The following BCAS1 variants were observed in gnomAD, a reference collection of about 807,000 sequenced individuals.
The protein encoded by BCAS1 is brain enriched myelin associated protein 1, also known as breast carcinoma-amplified sequence 1.
Under a neutral mutation model 65.4 loss-of-function variants are expected in BCAS1, and 46 were observed. The observed-to-expected ratio is 0.70, with a 90% CI of 0.55 to 0.90. The LOEUF is 0.90. Ranked by LOEUF, BCAS1 falls within the 40% of genes least tolerant of loss-of-function variation. The probability of loss-of-function intolerance (pLI) is 0.00; values close to 1 mark genes in which losing one functional copy is unlikely to be tolerated. For missense variants in BCAS1, 793 were observed against 771.2 expected (o/e 1.03, Z -0.33); for synonymous variants, 298 against 293.5 (o/e 1.02, Z -0.16).
chr20:54,015,047 T>C (rs1465049070), intron 4 of BCAS1, among the ~76,000 whole-genome samples: 1 of 138,082 alleles, frequency 7.2e-6, no homozygotes, highest in East Asian at 2.8e-4. Context: ...AAGCAGACTA[T>C]GATTTTTTTT....
chr20:53,981,881 C>T (rs112166072), intron 8 of BCAS1, among the ~76,000 whole-genome samples: 1 of 151,844 alleles, frequency 6.6e-6, no homozygotes, highest in African/African-American at 2.4e-5. Context: ...TCTTTTGATG[C>T]TAGCAAATGA....
At chr20:54,058,610 T>C in intron 2 of BCAS1, 37 bp downstream of exon 2, 1 of 1,527,834 alleles carries the variant, frequency 6.5e-7, no homozygotes. Context: ...TTTTTTTTTT[T>C]TTTCTGCTGA....
At chr20:54,021,733 G>T (rs1444885016) in intron 4 of BCAS1, among the ~76,000 whole-genome samples, 1 of 152,002 alleles carries the variant, frequency 6.6e-6, no homozygotes, top group Non-Finnish European at 1.5e-5. Context: ...CCTGTCGGGG[G>T]TTGGGGGAGG....
At chr20:53,961,813 C>G (rs1417692059) in intron 10 of BCAS1, among the ~76,000 whole-genome samples, 2 of 152,218 alleles carry the variant, frequency 1.3e-5, no homozygotes, top group African/African-American at 4.8e-5. Flanking sequence ...TTCTGGCTCT[C>G]CCGCTTACCA....
chr20:53,975,006 G>T (rs539309673), intron 9 of BCAS1, among the ~76,000 whole-genome samples: 4 of 152,304 alleles, frequency 2.6e-5, no homozygotes, highest in Admixed American at 2.6e-4. Flanking sequence ...CCCAAAGTTA[G>T]TAAGAAGCTG....
chr20:54,012,262 A>G (rs2091336791), intron 4 of BCAS1, among the ~76,000 whole-genome samples: 1 of 152,156 alleles, frequency 6.6e-6, no homozygotes, highest in Admixed American at 6.5e-5. Flanking sequence ...GGTGAGAGGG[A>G]AGTGGATGCA....
intron 10 of BCAS1, among the ~76,000 whole-genome samples, chr20:53,966,493 A>T (rs1176054217): frequency 6.6e-6 from 1 of 152,144 alleles, no homozygotes; most frequent in Non-Finnish European, 1.5e-5. Context: ...GGTTGGGAGA[A>T]GGGTGAGGGA....
At chr20:53,975,798 C>T (rs1247444225) in intron 8 of BCAS1, among the ~76,000 whole-genome samples, 1 of 152,070 alleles carries the variant, frequency 6.6e-6, no homozygotes, top group Non-Finnish European at 1.5e-5. Context: ...TCATTCAATA[C>T]AGAGTCACTG....
At chr20:53,972,529 C>A (rs1396307500) in intron 9 of BCAS1, among the ~76,000 whole-genome samples, 1 of 152,172 alleles carries the variant, frequency 6.6e-6, no homozygotes, top group Non-Finnish European at 1.5e-5. Flanking sequence ...AACAAAGCAG[C>A]CATAGATGAT....
intron 9 of BCAS1, among the ~76,000 whole-genome samples, chr20:53,973,233 AAAAC>A (rs1349478377): frequency 3.3e-5 from 5 of 152,244 alleles, no homozygotes; most frequent in African/African-American, 1.2e-4. Context: ...CTGTCTCAAG[AAAAC>A]AAACAAACAC....
chr20:53,963,982 C>G (rs917591716), intron 10 of BCAS1, among the ~76,000 whole-genome samples: 6 of 152,218 alleles, frequency 3.9e-5, no homozygotes, highest in African/African-American at 1.4e-4. Flanking sequence ...AGAGTTAAAA[C>G]TAAATGTCTG....
intron 4 of BCAS1, among the ~76,000 whole-genome samples, chr20:54,012,615 A>G (rs1392103437): frequency 6.6e-6 from 1 of 152,224 alleles, no homozygotes; most frequent in Non-Finnish European, 1.5e-5. Context: ...TGTGTGATGG[A>G]ATATTTTGCA....
chr20:53,979,479 T>G (rs1198455467), intron 8 of BCAS1, among the ~76,000 whole-genome samples: 4 of 152,190 alleles, frequency 2.6e-5, no homozygotes, highest in Non-Finnish European at 4.4e-5. Flanking sequence ...TGCAGCGGGA[T>G]TCTCCTTCCA....
At chr20:54,041,798 C>T (rs570187629) in intron 3 of BCAS1, among the ~76,000 whole-genome samples, 8 of 149,866 alleles carry the variant, frequency 5.3e-5, no homozygotes, top group East Asian at 2.0e-4. Flanking sequence ...ACTTGGGAGG[C>T]GGTGGCAGGA....
intron 9 of BCAS1, among the ~76,000 whole-genome samples, chr20:53,974,896 A>G (rs2090284035): frequency 6.6e-6 from 1 of 152,250 alleles, no homozygotes; most frequent in African/African-American, 2.4e-5. Context: ...TCTCAGAGGT[A>G]GACCCGTCAA....
intron 10 of BCAS1, among the ~76,000 whole-genome samples, chr20:53,964,354 T>C (rs1445075701): frequency 1.3e-5 from 2 of 152,172 alleles, no homozygotes; most frequent in Non-Finnish European, 2.9e-5. Flanking sequence ...TTTATTTGAA[T>C]TAATCACAGT....
chr20:54,028,585 G>T lies in BCAS1; in HGVS notation c.530C>A (p.Thr177Lys). The T allele has an allele frequency of 6.2e-7, 1 of 1,614,164 alleles. No individual in the cohort carries two copies. Among genetic ancestry groups the T allele is most frequent in the Non-Finnish European group, 8.5e-7 (1 of 1,180,006 alleles). ...GGGAGCTTCTCCTCCTGCTCCCCCT[G>T]TCTCAGGTGGGAGAAGCGTGGGATC... ...ARDPTLLPPE[T>K]GGAGGEAPSK... is the part of the protein sequence containing the mutation. Residue 177 changes from threonine (T) to lysine (K), a missense_variant, in exon 4 of 13, where the codon ACA becomes AAA. Thr to Lys is a moderately conservative substitution (Grantham distance 78). Transcript: ENST00000688948.
intron 1 of BCAS1, among the ~76,000 whole-genome samples, chr20:54,066,257 A>G (rs1005333666): frequency 1.3e-5 from 2 of 152,124 alleles, no homozygotes; most frequent in Non-Finnish European, 2.9e-5. Context: ...TATTTTTGGT[A>G]GAGACGGGGT....
At chr20:54,041,438 A>C (rs1240237817) in intron 3 of BCAS1, among the ~76,000 whole-genome samples, 1 of 141,122 alleles carries the variant, frequency 7.1e-6, no homozygotes, top group Non-Finnish European at 1.6e-5. Flanking sequence ...TCACAGGAAA[A>C]GACATGCAGC....
Sources: gnomAD v4.1 joint callset for allele counts (sites outside exome capture counted in the v4.1 genomes callset) on GRCh38, gnomAD v4.1.1 for gene constraint, MANE v1.5 for transcripts, NCBI Gene and HGNC (gene_info 2026-07-23, HGNC 2026-07-21) for gene names.